The following MRE11 variants were observed in gnomAD, a reference collection of about 807,000 sequenced individuals.
MRE11 encodes MRE11 double strand break repair nuclease, also known as double-strand break repair protein MRE11.
In MRE11, 62 loss-of-function variants were observed where a neutral mutation model predicts 91.7. The observed-to-expected ratio is 0.68, with a 90% CI of 0.55 to 0.84. MRE11 has a LOEUF of 0.84. Ranked by LOEUF, MRE11 falls within the 40% of genes least tolerant of loss-of-function variation. MRE11 has a pLI of 0.00. For missense variants in MRE11, 796 were observed against 852.9 expected, an observed-to-expected ratio of 0.93 and a Z score of 0.83; for synonymous variants, 273 against 271.4, an observed-to-expected ratio of 1.01 and a Z score of -0.06.
chr11:94,453,131 C>T (rs1184831745), intron 14 of MRE11, among the ~76,000 whole-genome samples: 2 of 151,858 alleles, frequency 1.3e-5, no homozygotes, highest in East Asian at 3.9e-4. Flanking sequence ...TTCAGAGTTT[C>T]ATCCATATTG....
At chr11:94,458,392 C>CT (rs58485772) in intron 13 of MRE11, among the ~76,000 whole-genome samples, 152,266 of 152,266 alleles carry the variant, frequency 1, 76,133 homozygotes, top group Non-Finnish European at 1. Context: ...TCTTTGAAAT[C>CT]TTTCCCAATT....
chr11:94,418,711 TAAG>T lies in MRE11; in HGVS notation c.*1411_*1413del. ...CAATAAAGATGTGGGCAGATCTGCCTAAGAATATTTCACAGGACAATGCCTTCC... is the reference window on the plus strand; with the variant it reads ...CAATAAAGATGTGGGCAGATCTGCCTAATATTTCACAGGACAATGCCTTCC... On this transcript the variant is annotated 3_prime_UTR_variant, in exon 20 of 20. Coordinates refer to ENST00000323929, the MANE Select transcript of MRE11 (RefSeq NM_005591.4). The T allele has an allele frequency of 4.3e-6, 1 of 232,566 alleles. No individual in the cohort carries two copies. Among genetic ancestry groups the T allele is most frequent in the Middle Eastern group, 1.3e-3 (1 of 780 alleles). 14.4% of individuals were successfully genotyped at this position (232,566 alleles called of 1,614,324 possible).
At position 94,493,188 on chromosome 11, in the gene MRE11, C is replaced by T. The variant is rs138069250; in HGVS notation, c.-105-282G>A. Among the ~76,000 whole-genome samples, 686 of 152,166 alleles carry T rather than the reference C, an allele frequency of 4.5e-3. 2 individuals carry two copies. Among genetic ancestry groups the T allele is most frequent in the African/African-American group, 0.015 (611 of 41,500 alleles). On this transcript the variant is annotated intron_variant, in intron 1 of 19. Coordinates refer to ENST00000323929, the MANE Select transcript of MRE11 (RefSeq NM_005591.4). ...AATTAATGTATGCTAAATAAATGGG[C>T]AGAAAGGGTCACATACGGTTCTGGT... is the stretch of plus-strand genomic sequence containing the variant.
the MRE11 span, among the ~76,000 whole-genome samples, chr11:94,499,892 CAA>C: frequency 2.0e-5 from 3 of 152,114 alleles, no homozygotes. Context: ...GTTATTTAAT[CAA>C]AGATTAAATA....
intron 7 of MRE11, chr11:94,473,683 T>C (rs1946774374): frequency 6.6e-6 from 1 of 152,072 alleles, no homozygotes; most frequent in Non-Finnish European, 1.5e-5. Context: ...ATGAGCTAAG[T>C]AAGTTTGAAA....
chr11:94,495,640 G>T (rs1342853647), upstream of MRE11, among the ~76,000 whole-genome samples: 1 of 152,152 alleles, frequency 6.6e-6, no homozygotes, highest in Non-Finnish European at 1.5e-5. Flanking sequence ...TTTATATGTT[G>T]TGTAACCCTT....
Position 94,420,139 on chromosome 11 carries a change from T to C in MRE11, c.2113A>G (p.Arg705Gly), listed in dbSNP as rs755681342. 7.6e-6 allele frequency: 12 copies of C among 1,577,394 alleles called. No homozygotes were observed. The Admixed American group carries it at 1.5e-4, about 20-fold the overall frequency. Residue 705 changes from arginine (R) to glycine (G), a missense_variant, in exon 20 of 20, where the codon AGA becomes GGA. Arg to Gly is a moderately radical substitution (Grantham distance 125). Transcript: ENST00000323929. The stretch of plus-strand genomic sequence containing the variant: ...CATTAAATATATTATCTTCTATTTC[T>C]TCTTAAAGAACTAGTGTTCATAAAA... ...DPFMNTSSLR[R>G]NRR
chr11:94,492,679 T>C, intron 2 of MRE11, 103 bp downstream of exon 2: 1 of 1,491,952 alleles, frequency 6.7e-7, no homozygotes, highest in East Asian at 2.3e-5. Flanking sequence ...ATAAACAGGT[T>C]CCTTATTTAC....
At chr11:94,470,182 A>G (rs1946668214) in intron 9 of MRE11, among the ~76,000 whole-genome samples, 1 of 152,122 alleles carries the variant, frequency 6.6e-6, no homozygotes, top group Admixed American at 6.6e-5. Flanking sequence ...AAATCATCAA[A>G]TCAGGATTAA....
intron 6 of MRE11, 76 bp from the exon 7 acceptor site, chr11:94,476,479 T>C (rs775546687): frequency 1.1e-6 from 1 of 945,960 alleles, no homozygotes; most frequent in Non-Finnish European, 1.7e-6. Context: ...TGCTTCTAAA[T>C]TATGTCCTTC....
intron 8 of MRE11, among the ~76,000 whole-genome samples, chr11:94,471,159 T>C (rs1473528362): frequency 6.6e-6 from 1 of 152,074 alleles, no homozygotes; most frequent in Non-Finnish European, 1.5e-5. Context: ...TAACTACTTC[T>C]TACAATCATA....
At chr11:94,442,675 T>C (rs993741754) in intron 16 of MRE11, among the ~76,000 whole-genome samples, 6 of 152,244 alleles carry the variant, frequency 3.9e-5, no homozygotes, top group Admixed American at 3.3e-4. Context: ...ACTTGATAAA[T>C]GCCTACTGTG....
Position 94,416,689 on chromosome 11 carries a change from C to CAAAAAAAAA in MRE11, c.*3427_*3435dup, listed in dbSNP as rs1204954166. 1.0e-5 allele frequency: 1 copy of CAAAAAAAAA among 96,630 alleles called. No individual in the cohort carries two copies. 6.0% of individuals were successfully genotyped at this position (96,630 alleles called of 1,614,324 possible). A position where few individuals can be genotyped will look rare whatever the true frequency, so the allele number is the denominator to read the frequency against. ...AAAAACCCTGTCTCTACTAAAAATACAAAAAAAAAAAAAAAAAAATTAGCC... is the reference window on the plus strand; with the variant it reads ...AAAAACCCTGTCTCTACTAAAAATACAAAAAAAAAAAAAAAAAAAAAAAAAAAATTAGCC... On this transcript the variant is annotated 3_prime_UTR_variant, in exon 20 of 20. Coordinates refer to ENST00000323929, the MANE Select transcript of MRE11 (RefSeq NM_005591.4).
chr11:94,447,090 T>C (rs755731572), intron 15 of MRE11, 129 bp downstream of exon 15: 25 of 1,007,572 alleles, frequency 2.5e-5, no homozygotes, highest in Non-Finnish European at 3.6e-5. Flanking sequence ...TTATATATTA[T>C]AAAAATAGAT....
At chr11:94,457,887 T>TCTCA (rs372404360) in intron 13 of MRE11, among the ~76,000 whole-genome samples, 149 of 144,306 alleles carry the variant, frequency 1.0e-3, no homozygotes, top group African/African-American at 3.5e-3. Flanking sequence ...TCTCTCTCTC[T>TCTCA]CACACACACA....
At chr11:94,472,526 C>G (rs1406669170) in intron 7 of MRE11, among the ~76,000 whole-genome samples, 1 of 152,092 alleles carries the variant, frequency 6.6e-6, no homozygotes, top group Non-Finnish European at 1.5e-5. Context: ...ATGGAAGACA[C>G]AGCAGTGAAC....
chr11:94,457,637 A>G (rs930237185), intron 13 of MRE11, among the ~76,000 whole-genome samples: 20 of 152,278 alleles, frequency 1.3e-4, no homozygotes, highest in Middle Eastern at 6.8e-3. Flanking sequence ...AACAGGCACT[A>G]TGTGTCAGAC....
Position 94,417,467 on chromosome 11 carries a change from T to C in MRE11, c.*2658A>G, listed in dbSNP as rs566334031. 21 of 232,924 alleles carry C rather than the reference T, an allele frequency of 9.0e-5. No homozygotes were observed. The highest frequency in any genetic ancestry group is 1.7e-4 in the Non-Finnish European group (20 of 117,912). The allele number at this position is 232,924 out of a possible 1,614,324, so 14.4% of individuals were successfully genotyped here. A position where few individuals can be genotyped will look rare whatever the true frequency, so the allele number is the denominator to read the frequency against. ...ATTAGAAGGCTAATTATGGTATTAC[T>C]GCATAGGTTTAGTATTAATGCATAT... On this transcript the variant is annotated 3_prime_UTR_variant, in exon 20 of 20. Transcript: ENST00000323929.
At chr11:94,453,051 G>C (rs1248515193) in intron 14 of MRE11, among the ~76,000 whole-genome samples, 8 of 151,954 alleles carry the variant, frequency 5.3e-5, no homozygotes, top group African/African-American at 1.9e-4. Context: ...GATTACTCTA[G>C]GTACCTCATA....
Sources: gnomAD v4.1 joint callset for allele counts (sites outside exome capture counted in the v4.1 genomes callset) on GRCh38, gnomAD v4.1.1 for gene constraint, MANE v1.5 for transcripts, NCBI Gene and HGNC (gene_info 2026-07-23, HGNC 2026-07-21) for gene names.